Variants in DLG2 observed in about 807,000 individuals in gnomAD.
DLG2 encodes the protein discs large MAGUK scaffold protein 2.
DLG2 carries 45 observed loss-of-function variants against 132.5 expected under a neutral mutation model. That is an observed-to-expected ratio of 0.34 (90% CI 0.27 to 0.44). The LOEUF (loss-of-function observed/expected upper bound fraction) is 0.44, where lower values mean the gene tolerates loss of function less well. Ranked by LOEUF, DLG2 falls within the 20% of genes least tolerant of loss-of-function variation. The pLI, the probability that DLG2 is intolerant of heterozygous loss-of-function variation, is 1.00. For synonymous variants in DLG2, 424 were observed against 419.6 expected, an observed-to-expected ratio of 1.01 and a Z score of -0.13; for missense variants, 1,045 against 1,196.9, an observed-to-expected ratio of 0.87 and a Z score of 1.87.
intron 8 of DLG2, among the ~76,000 whole-genome samples, chr11:84,163,813 C>A (rs1255744379): frequency 6.6e-6 from 1 of 152,030 alleles, no homozygotes; most frequent in Non-Finnish European, 1.5e-5. Context: ...AAGAACAAAT[C>A]ATCTAGGGGC....
intron 7 of DLG2, among the ~76,000 whole-genome samples, chr11:84,505,949 T>C (rs1262574869): frequency 1.3e-5 from 2 of 152,122 alleles, no homozygotes; most frequent in South Asian, 2.1e-4. Flanking sequence ...TATAAATTCC[T>C]GAAACCTGTA....
intron 18 of DLG2, among the ~76,000 whole-genome samples, chr11:83,666,743 T>C (rs540576781): frequency 6.6e-6 from 1 of 152,322 alleles, no homozygotes; most frequent in African/African-American, 2.4e-5. Flanking sequence ...GACTCCACCA[T>C]GAGTTGAAAA....
At chr11:85,502,341 AACC>A (rs2093824035) in intron 3 of DLG2, among the ~76,000 whole-genome samples, 1 of 151,870 alleles carries the variant, frequency 6.6e-6, no homozygotes, top group African/African-American at 2.4e-5. Flanking sequence ...GGGTGCAGCA[AACC>A]ACCACGACAC....
At chr11:85,586,336 T>C (rs902771260) in intron 3 of DLG2, among the ~76,000 whole-genome samples, 2 of 152,224 alleles carry the variant, frequency 1.3e-5, no homozygotes, top group Non-Finnish European at 2.9e-5. Flanking sequence ...CATCTGGTCC[T>C]GGACTTTTTT....
chr11:84,886,150 T>C (rs2088261039), intron 6 of DLG2, among the ~76,000 whole-genome samples: 1 of 152,116 alleles, frequency 6.6e-6, no homozygotes, highest in Non-Finnish European at 1.5e-5. Context: ...CTTTGAAGAA[T>C]GGATAATACT....
At chr11:84,735,973 C>A (rs1253843206) in intron 6 of DLG2, among the ~76,000 whole-genome samples, 2 of 151,544 alleles carry the variant, frequency 1.3e-5, no homozygotes, top group Admixed American at 1.3e-4. Flanking sequence ...TCTAAGAAAT[C>A]TGTTTAACCC....
At chr11:85,564,486 A>G (rs1009737446) in intron 3 of DLG2, among the ~76,000 whole-genome samples, 1 of 151,906 alleles carries the variant, frequency 6.6e-6, no homozygotes, top group East Asian at 1.9e-4. Context: ...CTAGAACTCA[A>G]TGTTCTAGCA....
chr11:84,313,116 T>C (rs2098308132), intron 7 of DLG2, among the ~76,000 whole-genome samples: 2 of 150,856 alleles, frequency 1.3e-5, no homozygotes, highest in African/African-American at 4.9e-5. Flanking sequence ...GCCAATTTTT[T>C]TCTTTTTTTT....
At chr11:83,790,819 G>C in intron 17 of DLG2, 1 of 753,232 alleles carries the variant, frequency 1.3e-6, no homozygotes, top group East Asian at 2.4e-5. Flanking sequence ...ACTTGAGAAG[G>C]AACCACAGAG....
chr11:83,846,980 T>G (rs2058756381), intron 16 of DLG2, among the ~76,000 whole-genome samples: 1 of 151,846 alleles, frequency 6.6e-6, no homozygotes, highest in African/African-American at 2.4e-5. Context: ...CTCTTTTTCT[T>G]TTATTTCATA....
chr11:85,290,398 C>G (rs1239543280), intron 3 of DLG2, among the ~76,000 whole-genome samples: 1 of 151,966 alleles, frequency 6.6e-6, no homozygotes, highest in Non-Finnish European at 1.5e-5. Flanking sequence ...AATAAGCTCT[C>G]AGGTGAGGTA....
chr11:84,563,885 C>T (rs985419109), intron 6 of DLG2, among the ~76,000 whole-genome samples: 1 of 152,074 alleles, frequency 6.6e-6, no homozygotes, highest in African/African-American at 2.4e-5. Context: ...AGAAAAGTGG[C>T]TCTCTTTTGT....
chr11:84,180,974 G>T (rs986153554), intron 8 of DLG2, among the ~76,000 whole-genome samples: 4 of 151,510 alleles, frequency 2.6e-5, no homozygotes, highest in African/African-American at 9.7e-5. Context: ...TCTACATAAA[G>T]AAAGAAAGAG....
intron 6 of DLG2, among the ~76,000 whole-genome samples, chr11:84,632,675 T>C (rs1325368036): frequency 6.6e-6 from 1 of 152,190 alleles, no homozygotes; most frequent in African/African-American, 2.4e-5. Flanking sequence ...AGACCATTCT[T>C]CTAATACGCT....
intron 4 of DLG2, among the ~76,000 whole-genome samples, chr11:85,200,334 A>T (rs1255669801): frequency 6.6e-6 from 1 of 152,218 alleles, no homozygotes; most frequent in Non-Finnish European, 1.5e-5. Context: ...TGTTTAAATC[A>T]GTCTTGACAG....
intron 6 of DLG2, among the ~76,000 whole-genome samples, chr11:84,793,169 A>G (rs932210372): frequency 3.3e-5 from 5 of 152,166 alleles, no homozygotes; most frequent in Non-Finnish European, 5.9e-5. Flanking sequence ...CTTCATTCAT[A>G]CACTGATCAT....
intron 6 of DLG2, among the ~76,000 whole-genome samples, chr11:84,672,617 GAT>G (rs2099707093): frequency 6.6e-6 from 1 of 152,066 alleles, no homozygotes; most frequent in Non-Finnish European, 1.5e-5. Flanking sequence ...AGTGAAAATT[GAT>G]AGACAGGACT....
At position 84,034,948 on chromosome 11, in the gene DLG2, T is replaced by C. The variant is rs530125696; in HGVS notation, c.919+24367A>G. ...TATCCAATCAATCAATGCAAGCTTT[T>C]CTTTCTCTGCCTTTTCTTCTCCAAC... On this transcript the variant is annotated intron_variant, in intron 11 of 27. Coordinates refer to ENST00000376104, the MANE Select transcript of DLG2 (RefSeq NM_001142699.3). Among the ~76,000 whole-genome samples the C allele has an allele frequency of 4.6e-5, 7 of 152,292 alleles. No homozygotes were observed. The East Asian group carries it at 1.4e-3, about 29-fold the overall frequency.
intron 8 of DLG2, among the ~76,000 whole-genome samples, chr11:84,219,571 T>C (rs1181986245): frequency 6.6e-6 from 1 of 152,210 alleles, no homozygotes; most frequent in African/African-American, 2.4e-5. Flanking sequence ...GAAAAAGAAA[T>C]GTGCATTGCC....
Sources: allele counts gnomAD v4.1 joint callset (sites outside exome capture counted in the v4.1 genomes callset), GRCh38; gene constraint gnomAD v4.1.1; transcripts MANE v1.5; gene names NCBI Gene and HGNC (gene_info 2026-07-23, HGNC 2026-07-21).